The following GRIA1 variants were observed in gnomAD, a reference collection of about 807,000 sequenced individuals.
GRIA1 encodes glutamate receptor 1.
A neutral mutation model predicts 99.2 loss-of-function variants in GRIA1; 31 were observed. The ratio of observed to expected loss-of-function variants is 0.31; its 90% CI spans 0.23 to 0.42. The LOEUF (loss-of-function observed/expected upper bound fraction) is 0.42, where lower values mean the gene tolerates loss of function less well. Ranked by LOEUF, GRIA1 falls within the 10% of genes least tolerant of loss-of-function variation. The pLI is 1.00. For missense variants in GRIA1, 782 were observed against 1,157.5 expected (o/e 0.68, Z 4.71); for synonymous variants, 438 against 432.4 (o/e 1.01, Z -0.16).
At chr5:153,751,485 A>G (rs539098640) in intron 11 of GRIA1, among the ~76,000 whole-genome samples, 1 of 152,256 alleles carries the variant, frequency 6.6e-6, no homozygotes, top group Non-Finnish European at 1.5e-5. Flanking sequence ...TTCAAGTGTT[A>G]CTGGAACACA....
rs1292417421 is a variant in GRIA1 at position 153,507,496 on chromosome 5, T to G, written c.220+13431T>G. Among the ~76,000 whole-genome samples the G allele has an allele frequency of 3.9e-5, 6 of 152,316 alleles. No homozygotes were observed. The South Asian group carries it at 8.3e-4, about 21-fold the overall frequency. On this transcript the variant is annotated intron_variant, in intron 2 of 15. Transcript: ENST00000285900. ...CTTGGCATCCTTCCTGCCAAACTCA[T>G]TGCTCTTTTCTCACTTTATTTCTGT...
At chr5:153,641,171 C>T (rs540368908) in intron 2 of GRIA1, among the ~76,000 whole-genome samples, 2 of 152,228 alleles carry the variant, frequency 1.3e-5, no homozygotes, top group South Asian at 4.2e-4. Context: ...TGATCTCCCT[C>T]CCCTAAAATG....
intron 11 of GRIA1, among the ~76,000 whole-genome samples, chr5:153,727,889 G>T (rs1207193314): frequency 6.7e-6 from 1 of 149,232 alleles, no homozygotes; most frequent in Non-Finnish European, 1.5e-5. Flanking sequence ...CTACTTTAAA[G>T]TTCATATGGA....
chr5:153,594,918 C>T (rs983956418), intron 2 of GRIA1, among the ~76,000 whole-genome samples: 5 of 151,976 alleles, frequency 3.3e-5, no homozygotes, highest in Non-Finnish European at 5.9e-5. Flanking sequence ...TCAAAGTATC[C>T]AGTGCTTCAT....
intron 2 of GRIA1, among the ~76,000 whole-genome samples, chr5:153,505,447 G>A (rs1207021975): frequency 1.3e-5 from 2 of 152,204 alleles, no homozygotes; most frequent in Non-Finnish European, 2.9e-5. Flanking sequence ...TTGAAGCAGA[G>A]ATTATGAGAA....
intron 2 of GRIA1, among the ~76,000 whole-genome samples, chr5:153,537,132 T>C (rs961018159): frequency 1.3e-5 from 2 of 152,226 alleles, no homozygotes; most frequent in African/African-American, 4.8e-5. Context: ...ATTCCAAAGA[T>C]ACCTGCTGTC....
chr5:153,614,927 C>T (rs1375147034), intron 2 of GRIA1, among the ~76,000 whole-genome samples: 1 of 152,162 alleles, frequency 6.6e-6, no homozygotes, highest in East Asian at 1.9e-4. Flanking sequence ...TTGAAGAGGC[C>T]TTAAGATAAG....
chr5:153,563,262 G>A (rs1761312558), intron 2 of GRIA1, among the ~76,000 whole-genome samples: 1 of 151,810 alleles, frequency 6.6e-6, no homozygotes, highest in Admixed American at 6.6e-5. Context: ...GTCAGTCACT[G>A]AGACAGTATT....
Position 153,801,793 on chromosome 5 carries a change from G to A in GRIA1, c.2386-563G>A, listed in dbSNP as rs892499467. ...GAGCAGTAAGTTAACATATATATCAGTTGGTCTTTATTATATATACAATAA... is the reference window on the plus strand; with the variant it reads ...GAGCAGTAAGTTAACATATATATCAATTGGTCTTTATTATATATACAATAA... On this transcript the variant is annotated intron_variant, in intron 14 of 15. Transcript: ENST00000285900. Among the ~76,000 whole-genome samples the A allele has an allele frequency of 3.3e-5, 5 of 152,036 alleles. No homozygotes were observed. In the East Asian group the frequency reaches 9.6e-4, roughly 29 times the overall value.
intron 10 of GRIA1, among the ~76,000 whole-genome samples, chr5:153,705,265 T>C (rs1277293380): frequency 6.6e-6 from 1 of 152,184 alleles, no homozygotes; most frequent in Non-Finnish European, 1.5e-5. Flanking sequence ...GCCAGGGTAG[T>C]GGGGTACATG....
intron 2 of GRIA1, among the ~76,000 whole-genome samples, chr5:153,608,860 T>G (rs1319876825): frequency 6.6e-6 from 1 of 152,228 alleles, no homozygotes; most frequent in East Asian, 1.9e-4. Context: ...ATTTGAGGCC[T>G]AAGCTGATGT....
intron 5 of GRIA1, among the ~76,000 whole-genome samples, chr5:153,668,123 C>CTGAACAATA (rs1210379566): frequency 2.0e-5 from 3 of 151,946 alleles, no homozygotes; most frequent in Admixed American, 6.6e-5. Context: ...GTTTCCCTAT[C>CTGAACAATA]TGAACAATAT....
intron 2 of GRIA1, among the ~76,000 whole-genome samples, chr5:153,597,851 A>AAG (rs1378661845): frequency 1.3e-5 from 2 of 151,758 alleles, no homozygotes; most frequent in Non-Finnish European, 2.9e-5. Context: ...CTAAAAAAAA[A>AAG]AAAAAAATTA....
chr5:153,537,320 C>A (rs1309902759), intron 2 of GRIA1, among the ~76,000 whole-genome samples: 1 of 152,230 alleles, frequency 6.6e-6, no homozygotes, highest in Non-Finnish European at 1.5e-5. Flanking sequence ...CCCTGCACAT[C>A]AAGGCCCAGT....
At chr5:153,696,840 G>A (rs1305199543) in intron 8 of GRIA1, among the ~76,000 whole-genome samples, 1 of 144,756 alleles carries the variant, frequency 6.9e-6, no homozygotes, top group Non-Finnish European at 1.5e-5. Flanking sequence ...ATAAGTATAG[G>A]AGGTATAGCT....
intron 2 of GRIA1, among the ~76,000 whole-genome samples, chr5:153,637,866 T>G (rs755722701): frequency 6.6e-6 from 1 of 152,224 alleles, no homozygotes; most frequent in Non-Finnish European, 1.5e-5. Context: ...CCGTGCAATT[T>G]TCGTTATTCC....
chr5:153,731,226 TTCTCTCTCTCTC>T (rs372671407), intron 11 of GRIA1, among the ~76,000 whole-genome samples: 1 of 149,400 alleles, frequency 6.7e-6, no homozygotes, highest in Non-Finnish European at 1.5e-5. Context: ...CTGTCTCTCT[TTCTCTCTCTCTC>T]TCTCTCCATC....
chr5:153,531,795 A>T (rs1009795741), intron 2 of GRIA1, among the ~76,000 whole-genome samples: 3 of 152,180 alleles, frequency 2.0e-5, no homozygotes, highest in African/African-American at 7.2e-5. Flanking sequence ...TATATGCCAG[A>T]CCCTAGATGT....
intron 11 of GRIA1, among the ~76,000 whole-genome samples, chr5:153,716,350 C>T (rs1304914331): frequency 6.6e-6 from 1 of 152,188 alleles, no homozygotes; most frequent in Non-Finnish European, 1.5e-5. Context: ...AGCTGTCTTC[C>T]AAGACCAACA....
Sources: gnomAD v4.1 joint callset for allele counts (sites outside exome capture counted in the v4.1 genomes callset) on GRCh38, gnomAD v4.1.1 for gene constraint, MANE v1.5 for transcripts, NCBI Gene and HGNC (gene_info 2026-07-23, HGNC 2026-07-21) for gene names.